ANK3: variants seen among roughly 807,000 people sequenced by gnomAD.
The protein encoded by ANK3 is ankyrin 3, also known as ankyrin-3.
A neutral mutation model predicts 370.9 loss-of-function variants in ANK3; 57 were observed. That is an observed-to-expected ratio of 0.15 (90% confidence interval 0.12 to 0.19). ANK3 has a LOEUF of 0.19. Ranked by LOEUF, ANK3 falls within the 10% of genes least tolerant of loss-of-function variation. ANK3 has a pLI of 1.00. For missense variants in ANK3, 4,439 were observed against 5,302.1 expected (o/e 0.84, Z 5.06); for synonymous variants, 1,929 against 1,946.3 (o/e 0.99, Z 0.23).
intron 2 of ANK3, among the ~76,000 whole-genome samples, chr10:60,509,911 C>T (rs569721741): frequency 1.3e-5 from 2 of 152,188 alleles, no homozygotes; most frequent in Non-Finnish European, 2.9e-5. Flanking sequence ...ACATAACCTT[C>T]TATAGTCAAT....
chr10:60,036,469 T>C (rs1440124047), intron 43 of ANK3, among the ~76,000 whole-genome samples: 11 of 133,122 alleles, frequency 8.3e-5, no homozygotes, highest in African/African-American at 2.4e-4. Flanking sequence ...GGAGTCTTGC[T>C]CTGTCGCCCA....
intron 23 of ANK3, among the ~76,000 whole-genome samples, chr10:60,158,250 G>T (rs931523404): frequency 2.6e-5 from 4 of 152,158 alleles, no homozygotes; most frequent in Non-Finnish European, 5.9e-5. Context: ...TGAAAGAAAA[G>T]GATATTAATG....
intron 4 of ANK3, among the ~76,000 whole-genome samples, chr10:60,272,819 T>C (rs905507189): frequency 1.3e-5 from 2 of 152,070 alleles, no homozygotes; most frequent in Non-Finnish European, 2.9e-5. Flanking sequence ...CTTTCAGACA[T>C]GAATATCAAC....
At chr10:60,178,826 A>C (rs1199166161) in intron 18 of ANK3, among the ~76,000 whole-genome samples, 2 of 152,178 alleles carry the variant, frequency 1.3e-5, no homozygotes, top group Non-Finnish European at 2.9e-5. Flanking sequence ...GAAAAGCAAA[A>C]GCAGTGGCTT....
chr10:60,598,223 T>C (rs143880951), intron 2 of ANK3, among the ~76,000 whole-genome samples: 1,851 of 152,344 alleles, frequency 0.012, 12 homozygotes, highest in Middle Eastern at 0.027. Flanking sequence ...CCTGCCCTAA[T>C]AATCAGACAA....
At chr10:60,349,321 C>T (rs145906769) in intron 1 of ANK3, among the ~76,000 whole-genome samples, 2 of 152,254 alleles carry the variant, frequency 1.3e-5, no homozygotes, top group African/African-American at 4.8e-5. Context: ...TCATCAACTA[C>T]TAGAGAAAGA....
At chr10:60,175,510 T>C (rs56141753) in intron 18 of ANK3, among the ~76,000 whole-genome samples, 5,031 of 152,296 alleles carry the variant, frequency 0.033, 252 homozygotes, top group African/African-American at 0.11. Context: ...TCTACCTCTT[T>C]GTCATAGCTG....
At chr10:60,552,812 C>T (rs772740944) in intron 2 of ANK3, among the ~76,000 whole-genome samples, 1 of 152,146 alleles carries the variant, frequency 6.6e-6, no homozygotes, top group Non-Finnish European at 1.5e-5. Context: ...GGGACGGACC[C>T]GGTGGCAGAT....
Position 60,141,559 on chromosome 10 carries a change from CTG to C in ANK3, c.2615-2474_2615-2473del, listed in dbSNP as rs567165924. On this transcript the variant is annotated intron_variant, in intron 23 of 43. Transcript: ENST00000280772. Reference sequence around the variant, plus strand: ...TACACTGGAGAGGCCATTTCAATTGCTGTTTTTTTTTTTTTTTTTTTTTTTTT... The same window carrying C: ...TACACTGGAGAGGCCATTTCAATTGCTTTTTTTTTTTTTTTTTTTTTTTTT... Among the ~76,000 whole-genome samples the C allele has an allele frequency of 3.7e-3, 228 of 61,132 alleles. 1 individual carries two copies. Among genetic ancestry groups the C allele is most frequent in the African/African-American group, 0.017 (218 of 12,686 alleles). 40.1% of individuals were successfully genotyped at this position (61,132 alleles called of 152,430 possible).
intron 43 of ANK3, among the ~76,000 whole-genome samples, chr10:60,032,194 C>CTTTTTTTTTTTTT (rs552219776): frequency 0.028 from 1,191 of 43,102 alleles, 356 homozygotes; most frequent in Non-Finnish European, 0.035. Flanking sequence ...TACACAGCTT[C>CTTTTTTTTTTTTT]TTTTTTTTTT....
At position 60,171,008 on chromosome 10, in the gene ANK3, G is replaced by A. The variant is rs181306421; in HGVS notation, c.2478+1300C>T. On this transcript the variant is annotated intron_variant, in intron 21 of 43. Transcript: ENST00000280772. ...TATAGCATTGTGACACTTGGCTATC[G>A]TTAAATAGTTTGTTCTCTTCTCCTT... Among the ~76,000 whole-genome samples the A allele has an allele frequency of 5.4e-3, 819 of 152,102 alleles. 2 individuals are homozygous for A. Among genetic ancestry groups the A allele is most frequent in the Non-Finnish European group, 9.1e-3 (620 of 67,978 alleles).
chr10:60,293,890 T>G (rs142599434), intron 1 of ANK3, among the ~76,000 whole-genome samples: 1 of 152,230 alleles, frequency 6.6e-6, no homozygotes, highest in East Asian at 1.9e-4. Context: ...CAGTAACTTC[T>G]GGCATTATAC....
intron 23 of ANK3, chr10:60,140,167 C>G (rs763066892): frequency 2.6e-5 from 16 of 623,886 alleles, no homozygotes; most frequent in East Asian, 2.8e-5. Context: ...AACTACCAAT[C>G]AAGTCTAAAA....
chr10:60,388,468 A>G (rs2062725739), intron 1 of ANK3, among the ~76,000 whole-genome samples: 2 of 152,230 alleles, frequency 1.3e-5, no homozygotes, highest in African/African-American at 4.8e-5. Context: ...TTTCACAAAG[A>G]CACATAAAAA....
At chr10:60,389,150 T>C (rs1316907702) in intron 1 of ANK3, among the ~76,000 whole-genome samples, 2 of 152,138 alleles carry the variant, frequency 1.3e-5, no homozygotes, top group Non-Finnish European at 2.9e-5. Flanking sequence ...CACAGCACCT[T>C]TCCATGTCAT....
At chr10:60,093,003 T>C (rs2089028453) in intron 28 of ANK3, among the ~76,000 whole-genome samples, 1 of 152,240 alleles carries the variant, frequency 6.6e-6, no homozygotes, top group Non-Finnish European at 1.5e-5. Flanking sequence ...CCCAAAATGC[T>C]GGGATTACAG....
At chr10:60,511,789 A>ATTT (rs5785448) in intron 2 of ANK3, among the ~76,000 whole-genome samples, 1 of 141,628 alleles carries the variant, frequency 7.1e-6, no homozygotes, top group African/African-American at 2.6e-5. Flanking sequence ...GGGGAAAGGC[A>ATTT]TTTTTTTTTT....
chr10:60,127,800 C>T (rs189591759), intron 25 of ANK3, among the ~76,000 whole-genome samples: 85 of 150,266 alleles, frequency 5.7e-4, no homozygotes, highest in African/African-American at 2.0e-3. Context: ...CTGGTTCAAG[C>T]GATTTTCCTG....
At chr10:60,162,705 T>C (rs908707434) in intron 23 of ANK3, among the ~76,000 whole-genome samples, 1 of 152,228 alleles carries the variant, frequency 6.6e-6, no homozygotes, top group Non-Finnish European at 1.5e-5. Flanking sequence ...GAGATATTTT[T>C]CAGCCCTATC....
Sources: allele counts gnomAD v4.1 joint callset (sites outside exome capture counted in the v4.1 genomes callset), GRCh38; gene constraint gnomAD v4.1.1; transcripts MANE v1.5; gene names NCBI Gene and HGNC (gene_info 2026-07-23, HGNC 2026-07-21).